HLCS: variants seen among roughly 807,000 people sequenced by gnomAD.
HLCS encodes holocarboxylase synthetase, also known as biotin--protein ligase.
A neutral mutation model predicts 75.0 loss-of-function variants in HLCS; 53 were observed. That is an observed-to-expected ratio of 0.71 (90% CI 0.57 to 0.89). HLCS has a LOEUF of 0.89. HLCS is among the 40% of genes least tolerant of loss of function. The probability of loss-of-function intolerance (pLI) is 0.00; values close to 1 mark genes in which losing one functional copy is unlikely to be tolerated. For missense variants in HLCS, 966 were observed against 1,074.0 expected (o/e 0.90, Z 1.41); for synonymous variants, 431 against 428.6 (o/e 1.01, Z -0.07).
At chr21:36,771,385 T>C (rs1047875449) in intron 6 of HLCS, among the ~76,000 whole-genome samples, 1 of 152,218 alleles carries the variant, frequency 6.6e-6, no homozygotes, top group South Asian at 2.1e-4. Flanking sequence ...GACCCAGTGA[T>C]AGCCTTAAAC....
At chr21:36,918,183 T>C (rs942349054) in intron 5 of HLCS, among the ~76,000 whole-genome samples, 2 of 152,206 alleles carry the variant, frequency 1.3e-5, no homozygotes, top group Non-Finnish European at 1.5e-5. Flanking sequence ...CTAACTCCTA[T>C]GTACTGAGTG....
At chr21:36,831,176 T>A (rs1323357892) in intron 6 of HLCS, among the ~76,000 whole-genome samples, 1 of 152,204 alleles carries the variant, frequency 6.6e-6, no homozygotes, top group Non-Finnish European at 1.5e-5. Flanking sequence ...CTATTTTTTT[T>A]AACATTGTTT....
At chr21:36,959,688 C>T (rs897879296) in intron 2 of HLCS, among the ~76,000 whole-genome samples, 1 of 152,210 alleles carries the variant, frequency 6.6e-6, no homozygotes, top group East Asian at 1.9e-4. Context: ...CCCAGCCAGA[C>T]TCACACAGAG....
chr21:36,960,820 C>T (rs1196667386), intron 2 of HLCS, among the ~76,000 whole-genome samples: 1 of 152,168 alleles, frequency 6.6e-6, no homozygotes, highest in Non-Finnish European at 1.5e-5. Context: ...CCTCCAGGAG[C>T]CTCAGGGCAT....
At chr21:36,966,960 G>A (rs953228812), upstream of HLCS, among the ~76,000 whole-genome samples, 1 of 151,686 alleles carries the variant, frequency 6.6e-6, no homozygotes, top group Non-Finnish European at 1.5e-5. Flanking sequence ...CACCCGGAGA[G>A]GGGGCTCGAG....
chr21:36,850,923 ACACTAC>A, intron 6 of HLCS, among the ~76,000 whole-genome samples: 1 of 152,182 alleles, frequency 6.6e-6, no homozygotes, highest in South Asian at 2.1e-4. Flanking sequence ...GCCTTCGAGG[ACACTAC>A]CCCTGCTGGA....
chr21:36,930,287 A>G lies in HLCS; in HGVS notation c.1584T>C (p.Pro528=). The G allele has an allele frequency of 6.2e-7, 1 of 1,614,212 alleles. No individual in the cohort carries two copies. Among genetic ancestry groups the G allele is most frequent in the Non-Finnish European group, 8.5e-7 (1 of 1,180,030 alleles). ...LGLSCDMKQV[P]ALTPLYLLSA... ...ACAGCAAGTAAAGAGGAGTTAAGGC[A>G]GGAACTTGTTTCATGTCACAGCTGA... The change falls in exon 5 of 11, where the codon CCT becomes CCC. Residue 528 remains proline (P), a synonymous_variant. Transcript: ENST00000674895.
rs548322823 is a variant in HLCS at position 36,778,125 on chromosome 21, C to T, written c.1893-10840G>A. Among the ~76,000 whole-genome samples, 9 of 151,872 alleles carry T rather than the reference C, an allele frequency of 5.9e-5. 1 individual carries two copies. The South Asian group carries it at 6.3e-4, about 11-fold the overall frequency. ...CTGGGACTACAGGCGCCCGCCACCA[C>T]GCCCGGCTAATTTTTTTGTATTTTT... On this transcript the variant is annotated intron_variant, in intron 6 of 10. Transcript: ENST00000674895.
chr21:36,766,851 C>T (rs368322218), intron 7 of HLCS, among the ~76,000 whole-genome samples: 6 of 152,294 alleles, frequency 3.9e-5, no homozygotes, highest in South Asian at 2.1e-4. Context: ...TCCCACATGA[C>T]GCTCAGTACA....
rs2145768209 is a variant in HLCS, at chr21:36,765,096, G to T, written c.2037C>A (p.Ser679=). 2 of 1,614,152 alleles carry T rather than the reference G, an allele frequency of 1.2e-6. No individual in the cohort carries two copies. The highest frequency in any genetic ancestry group is 1.7e-5 in the Admixed American group (1 of 60,022). The change falls in exon 8 of 11, where the codon TCC becomes TCA. Residue 679 remains serine, a synonymous_variant. Coordinates refer to ENST00000674895, the MANE Select transcript of HLCS (RefSeq NM_001352514.2). Reference sequence around the variant, plus strand: ...CAAACGGGATCCTCTGTCCCAGCTGGGATCTCAGTGGAATGGAGATGAGCA... The same window carrying T: ...CAAACGGGATCCTCTGTCCCAGCTGTGATCTCAGTGGAATGGAGATGAGCA... The part of the protein sequence containing the change: ...STLLISIPLR[S]QLGQRIPFVQ...
intron 6 of HLCS, among the ~76,000 whole-genome samples, chr21:36,818,421 G>C (rs2061726169): frequency 6.6e-6 from 1 of 152,208 alleles, no homozygotes; most frequent in Non-Finnish European, 1.5e-5. Flanking sequence ...TTCATTAAAA[G>C]TGCAGGTCTT....
intron 6 of HLCS, among the ~76,000 whole-genome samples, chr21:36,881,966 G>A (rs1049911695): frequency 1.3e-5 from 2 of 152,142 alleles, no homozygotes; most frequent in Non-Finnish European, 2.9e-5. Flanking sequence ...TTGTGCCACT[G>A]CACTCCAGCT....
intron 4 of HLCS, 86 bp downstream of exon 4, chr21:36,936,363 T>A (rs933313060): frequency 2.5e-6 from 3 of 1,204,692 alleles, no homozygotes; most frequent in Non-Finnish European, 3.7e-6. Context: ...CTGAAACTTT[T>A]AAGCGTGTAC....
At chr21:36,772,836 C>A (rs1191732198) in intron 6 of HLCS, among the ~76,000 whole-genome samples, 2 of 151,858 alleles carry the variant, frequency 1.3e-5, no homozygotes, top group African/African-American at 4.8e-5. Flanking sequence ...CAGAAATTAG[C>A]TGGGCATGGT....
chr21:36,964,672 C>T (rs2068474043), intron 1 of HLCS, among the ~76,000 whole-genome samples: 1 of 152,176 alleles, frequency 6.6e-6, no homozygotes, highest in Non-Finnish European at 1.5e-5. Flanking sequence ...CACCAGGCCA[C>T]TCCTACTCCG....
intron 6 of HLCS, among the ~76,000 whole-genome samples, chr21:36,795,461 G>A (rs1231056961): frequency 6.6e-6 from 1 of 152,120 alleles, no homozygotes; most frequent in African/African-American, 2.4e-5. Context: ...GAGGGTTCTG[G>A]ACCAAGCTAC....
chr21:36,963,235 A>C (rs975301943), intron 1 of HLCS, among the ~76,000 whole-genome samples: 5 of 152,222 alleles, frequency 3.3e-5, no homozygotes, highest in African/African-American at 1.2e-4. Flanking sequence ...TTGATTTGAA[A>C]AGGCTTTCAC....
At chr21:36,916,271 G>A (rs2065923304) in intron 5 of HLCS, among the ~76,000 whole-genome samples, 2 of 152,088 alleles carry the variant, frequency 1.3e-5, no homozygotes, top group South Asian at 4.2e-4. Flanking sequence ...TAGATCAGAG[G>A]GGTAGAATCC....
rs535746173 is a variant in HLCS, at chr21:36,910,831, G to A, written c.1621-13700C>T. 4.4e-4 allele frequency among the ~76,000 whole-genome samples: 67 copies of A among 152,228 alleles called. 1 individual carries two copies. The highest frequency in any genetic ancestry group is 1.0e-3 in the South Asian group (5 of 4,818). ...GACCTGTCCAGGTTCCACGCTGCAC[G>A]GCACTGCACCCTGGCATGAGTTCCC... On this transcript the variant is annotated intron_variant, in intron 5 of 10. Transcript: ENST00000674895.
Sources: gnomAD v4.1 joint callset for allele counts (sites outside exome capture counted in the v4.1 genomes callset) on GRCh38, gnomAD v4.1.1 for gene constraint, MANE v1.5 for transcripts, NCBI Gene and HGNC (gene_info 2026-07-23, HGNC 2026-07-21) for gene names.